Variants in LPP observed in about 807,000 individuals in gnomAD.
LPP encodes lipoma-preferred partner.
LPP carries 38 observed loss-of-function variants against 60.4 expected under a neutral mutation model. The ratio of observed to expected loss-of-function variants is 0.63; its 90% CI spans 0.49 to 0.83. The LOEUF is 0.83. Among genes scored for constraint, LPP ranks in the 40% least tolerant of loss-of-function variants. The pLI, the probability that LPP is intolerant of heterozygous loss-of-function variation, is 0.00. For missense variants in LPP, 902 were observed against 783.6 expected (o/e 1.15, Z -1.80); for synonymous variants, 328 against 290.8 (o/e 1.13, Z -1.30).
At chr3:188,497,328 C>T (rs1810537768) in intron 5 of LPP, among the ~76,000 whole-genome samples, 1 of 152,032 alleles carries the variant, frequency 6.6e-6, no homozygotes, top group South Asian at 2.1e-4. Context: ...ACATGTCCTG[C>T]CTTCTGGGCT....
rs996201524 is a variant in LPP, at chr3:188,404,735, C to T, written c.-9-1377C>T. Reference sequence around the variant, plus strand: ...ATTTCTGTGTTCTGATGCTCTTTGTCTTTACAGACATCTGGAGGTAATTGT... The same window carrying T: ...ATTTCTGTGTTCTGATGCTCTTTGTTTTTACAGACATCTGGAGGTAATTGT... On this transcript the variant is annotated intron_variant, in intron 3 of 11. Transcript: ENST00000617246. 6.6e-5 allele frequency among the ~76,000 whole-genome samples: 10 copies of T among 152,288 alleles called. 3 individuals carry two copies. The highest frequency in any genetic ancestry group is 1.3e-4 in the Admixed American group (2 of 15,296).
At chr3:188,509,651 T>C (rs1814648167) in intron 5 of LPP, among the ~76,000 whole-genome samples, 1 of 33,440 alleles carries the variant, frequency 3.0e-5, no homozygotes, top group Non-Finnish European at 6.9e-5. Context: ...CCTTCCTTCC[T>C]TCCTTCCTTC....
At chr3:188,237,317 A>C (rs1481902198) in intron 2 of LPP, among the ~76,000 whole-genome samples, 1 of 152,206 alleles carries the variant, frequency 6.6e-6, no homozygotes, top group East Asian at 1.9e-4. Flanking sequence ...GTCACCCATG[A>C]GGATTGGAAT....
intron 4 of LPP, among the ~76,000 whole-genome samples, chr3:188,442,320 G>T (rs1794207806): frequency 6.6e-6 from 1 of 152,014 alleles, no homozygotes; most frequent in African/African-American, 2.4e-5. Flanking sequence ...TCCCTTCCCC[G>T]TGTCCGTGTG....
chr3:188,371,012 A>C (rs13315917), intron 3 of LPP, among the ~76,000 whole-genome samples: 53,311 of 151,922 alleles, frequency 0.35, 10,821 homozygotes, highest in Middle Eastern at 0.62. Flanking sequence ...AGTCACACCC[A>C]CGGAAATTGG....
At chr3:188,191,028 G>A (rs1205938321) in intron 1 of LPP, among the ~76,000 whole-genome samples, 2 of 152,102 alleles carry the variant, frequency 1.3e-5, no homozygotes, top group South Asian at 2.1e-4. Flanking sequence ...TCAGAGATTC[G>A]AGACCAGCCT....
intron 4 of LPP, among the ~76,000 whole-genome samples, chr3:188,476,277 G>A (rs1803205242): frequency 6.6e-6 from 1 of 152,090 alleles, no homozygotes; most frequent in South Asian, 2.1e-4. Context: ...GGCACTCGAT[G>A]AATAAATAGT....
chr3:188,288,648 GC>G (rs1744843224), intron 2 of LPP, among the ~76,000 whole-genome samples: 1 of 151,830 alleles, frequency 6.6e-6, no homozygotes, highest in African/African-American at 2.4e-5. Context: ...GCACACCTAT[GC>G]ACACACATCT....
At chr3:188,859,526 T>G (rs914822396) in intron 9 of LPP, among the ~76,000 whole-genome samples, 2 of 152,210 alleles carry the variant, frequency 1.3e-5, no homozygotes, top group African/African-American at 4.8e-5. Context: ...TGAGAACCTT[T>G]GAGGGCAAGG....
intron 8 of LPP, among the ~76,000 whole-genome samples, chr3:188,714,393 G>A (rs1398495871): frequency 6.6e-6 from 1 of 152,148 alleles, no homozygotes; most frequent in African/African-American, 2.4e-5. Flanking sequence ...TGAATTAACT[G>A]CTGTGACATG....
intron 9 of LPP, among the ~76,000 whole-genome samples, chr3:188,836,768 GAA>G (rs1468289804): frequency 6.6e-6 from 1 of 152,148 alleles, no homozygotes; most frequent in African/African-American, 2.4e-5. Flanking sequence ...AATTACAGAG[GAA>G]ATATTTTCAG....
intron 8 of LPP, among the ~76,000 whole-genome samples, chr3:188,757,897 T>TTTTTTGTTTTTTTG (rs780213914): frequency 6.0e-4 from 87 of 144,266 alleles, no homozygotes; most frequent in Non-Finnish European, 1.2e-3. Flanking sequence ...TGGTTTTTTT[T>TTTTTTGTTTTTTTG]TTTTTTTTTT....
chr3:188,632,516 A>G (rs1560674329), intron 7 of LPP, among the ~76,000 whole-genome samples: 1 of 152,126 alleles, frequency 6.6e-6, no homozygotes, highest in Non-Finnish European at 1.5e-5. Flanking sequence ...GGCCTGGGTA[A>G]TGGCAAAGCA....
rs185083216 is a variant in LPP at position 188,811,576 on chromosome 3, G to A, written c.1410+51294G>A. ...GGCCTTGTTTTATAGCAATTACTGG[G>A]GATATCCAGGTCTTTTGCACTGGAA... On this transcript the variant is annotated intron_variant, in intron 9 of 11. Coordinates refer to ENST00000617246, the MANE Select transcript of LPP (RefSeq NM_001375462.1). Among the ~76,000 whole-genome samples, 297 of 152,104 alleles carry A rather than the reference G, an allele frequency of 2.0e-3. 2 individuals carry two copies. Among genetic ancestry groups the A allele is most frequent in the African/African-American group, 6.7e-3 (277 of 41,506 alleles).
intron 5 of LPP, among the ~76,000 whole-genome samples, chr3:188,516,479 C>A (rs1290391152): frequency 2.0e-5 from 3 of 151,800 alleles, no homozygotes; most frequent in Non-Finnish European, 4.4e-5. Context: ...TACCTCTTAG[C>A]TATTATTTGG....
At position 188,888,665 on chromosome 3, in the gene LPP, T is replaced by C. The variant is rs186890366; in HGVS notation, c.*14186T>C. ...ACATAAACGTTATTCCTTACATATG[T>C]ATGTACACACGGTACCCAGAGTCGT... On this transcript the variant is annotated 3_prime_UTR_variant, in exon 12 of 12. Transcript: ENST00000617246. The C allele has an allele frequency of 1.7e-3, 368 of 221,494 alleles. 1 individual carries two copies. Among genetic ancestry groups the C allele is most frequent in the South Asian group, 4.0e-3 (22 of 5,438 alleles). The allele number at this position is 221,494 out of a possible 1,614,324, so 13.7% of individuals were successfully genotyped here.
intron 4 of LPP, chr3:188,472,439 C>G (rs1802079041): frequency 6.6e-6 from 1 of 151,936 alleles, no homozygotes; most frequent in African/African-American, 2.4e-5. Context: ...ATGAGTGTCT[C>G]TATTTGATTA....
chr3:188,847,603 T>C (rs575595221), intron 9 of LPP, among the ~76,000 whole-genome samples: 4 of 152,354 alleles, frequency 2.6e-5, no homozygotes, highest in East Asian at 1.9e-4. Context: ...TAAAATAATA[T>C]TGTTATGACC....
At chr3:188,156,549 A>G (rs923936994) in intron 1 of LPP, among the ~76,000 whole-genome samples, 1 of 152,068 alleles carries the variant, frequency 6.6e-6, no homozygotes, top group African/African-American at 2.4e-5. Flanking sequence ...TAAGAATATT[A>G]TTGGCTTGGC....
Sources: allele counts gnomAD v4.1 joint callset (sites outside exome capture counted in the v4.1 genomes callset), GRCh38; gene constraint gnomAD v4.1.1; transcripts MANE v1.5; gene names NCBI Gene and HGNC (gene_info 2026-07-23, HGNC 2026-07-21).